Variants in FAT4 observed in about 807,000 individuals in gnomAD.
FAT4 encodes the protein FAT atypical cadherin 4.
A neutral mutation model predicts 303.9 loss-of-function variants in FAT4; 84 were observed. The ratio of observed to expected loss-of-function variants is 0.28; its 90% CI spans 0.23 to 0.33. The LOEUF is 0.33. Ranked by LOEUF, FAT4 falls within the 10% of genes least tolerant of loss-of-function variation. FAT4 has a pLI of 1.00. For synonymous variants in FAT4, 2,307 were observed against 2,298.8 expected (o/e 1.00, Z -0.10); for missense variants, 6,005 against 6,146.8 (o/e 0.98, Z 0.77).
intron 2 of FAT4, among the ~76,000 whole-genome samples, chr4:125,396,623 T>C (rs773242359): frequency 5.9e-5 from 9 of 152,014 alleles, no homozygotes; most frequent in Non-Finnish European, 1.0e-4. Flanking sequence ...AAATCATACA[T>C]GCACACGCAT....
intron 8 of FAT4, among the ~76,000 whole-genome samples, chr4:125,445,319 C>A (rs139323057): frequency 2.6e-5 from 4 of 152,238 alleles, no homozygotes; most frequent in African/African-American, 7.2e-5. Context: ...AATGAACATA[C>A]TACTGGCTGC....
At position 125,353,866 on chromosome 4, in the gene FAT4, C is replaced by A. The variant is rs1161965172; in HGVS notation, c.5175+32280C>A. Among the ~76,000 whole-genome samples the A allele has an allele frequency of 2.0e-5, 3 of 151,544 alleles. No individual in the cohort carries two copies. The East Asian group carries it at 5.8e-4, about 29-fold the overall frequency. Reference sequence around the variant, plus strand: ...TTGTGAAGTTTGAGAATTTGCAAAGCCATAATGATAGAATCAACCCAAAGG... The same window carrying A: ...TTGTGAAGTTTGAGAATTTGCAAAGACATAATGATAGAATCAACCCAAAGG... On this transcript the variant is annotated intron_variant, in intron 2 of 17. Transcript: ENST00000394329.
At position 125,481,633 on chromosome 4, in the gene FAT4, G is replaced by A. The variant is rs769117964; in HGVS notation, c.12717G>A (p.Met4239Ile). The A allele has an allele frequency of 6.2e-7, 1 of 1,614,092 alleles. No homozygotes were observed. The highest frequency in any genetic ancestry group is 1.1e-5 in the South Asian group (1 of 91,090). The change falls in exon 16 of 18, where the codon ATG becomes ATA. Residue 4239 changes from methionine to isoleucine, a missense_variant. Coordinates refer to ENST00000394329, the MANE Select transcript of FAT4 (RefSeq NM_001291303.3). ...YLLRQSLRGA[M>I]LEPFGVNSLE... ...TAAGGCAAAGCTTACGAGGTGCCAT[G>A]TTGGAGCCTTTTGGTGTGAACAGTC... is the stretch of plus-strand genomic sequence containing the variant.
chr4:125,324,410 T>C (rs749272154), intron 2 of FAT4, among the ~76,000 whole-genome samples: 1 of 152,164 alleles, frequency 6.6e-6, no homozygotes, highest in Non-Finnish European at 1.5e-5. Flanking sequence ...AGGTGCTCCA[T>C]ACATGTTTGC....
intron 2 of FAT4, among the ~76,000 whole-genome samples, chr4:125,347,651 CTG>C (rs1274517607): frequency 6.6e-6 from 1 of 151,536 alleles, no homozygotes; most frequent in Non-Finnish European, 1.5e-5. Context: ...AGTGTGCTCA[CTG>C]TGTTATATTT....
intron 2 of FAT4, among the ~76,000 whole-genome samples, chr4:125,361,990 C>T (rs191174440): frequency 6.6e-6 from 1 of 152,126 alleles, no homozygotes; most frequent in Admixed American, 6.6e-5. Context: ...CTATTATTTT[C>T]CCTACTAACC....
chr4:125,339,926 T>C (rs940474663), intron 2 of FAT4, among the ~76,000 whole-genome samples: 1 of 152,162 alleles, frequency 6.6e-6, no homozygotes, highest in Non-Finnish European at 1.5e-5. Context: ...AATTGTATAA[T>C]TGTATAATTG....
At position 125,491,836 on chromosome 4, in the gene FAT4, A is replaced by G; in HGVS notation, c.*68A>G. On this transcript the variant is annotated 3_prime_UTR_variant, in exon 18 of 18. Transcript: ENST00000394329. The stretch of plus-strand genomic sequence containing the variant: ...TACTCAAACCATTGTAAAGTTGCTG[A>G]CTAGGTTGGGTCACATTTGAAAAAC... The G allele has an allele frequency of 6.8e-7, 1 of 1,464,044 alleles. No individual in the cohort carries two copies. The highest frequency in any genetic ancestry group is 1.4e-5 in the South Asian group (1 of 69,042). 90.7% of individuals were successfully genotyped at this position (1,464,044 alleles called of 1,614,324 possible).
Position 125,434,423 on chromosome 4 carries a change from A to C in FAT4, c.7197A>C (p.Ile2399=). 6.2e-7 allele frequency: 1 copy of C among 1,613,814 alleles called. No homozygotes were observed. The highest frequency in any genetic ancestry group is 8.5e-7 in the Non-Finnish European group (1 of 1,179,784). ...SDADASKNAV[I]SYRIIGGNSQ... ...CTGATGCTTCAAAGAATGCAGTTAT[A>C]AGGTCAGTACATTTTCCTTTGTAAA... is the stretch of plus-strand genomic sequence containing the variant. Residue 2399 remains isoleucine (I), a splice_region_variant and synonymous_variant, in exon 8 of 18, where the codon ATA becomes ATC. Coordinates refer to ENST00000394329, the MANE Select transcript of FAT4 (RefSeq NM_001291303.3).
chr4:125,448,925 G>T lies in FAT4; in HGVS notation c.7915G>T (p.Val2639Leu), dbSNP rs1233313643. 3.1e-6 allele frequency: 5 copies of T among 1,613,042 alleles called. No individual in the cohort carries two copies. Among genetic ancestry groups the T allele is most frequent in the African/African-American group, 2.7e-5 (2 of 74,890 alleles). Residue 2639 changes from valine to leucine, a missense_variant, in exon 10 of 18, where the codon GTA becomes TTA. By Grantham distance (32) the Val-to-Leu change is conservative. Coordinates refer to ENST00000394329, the MANE Select transcript of FAT4 (RefSeq NM_001291303.3). ...TTTTGAAAAGATACAAAAATATGTTGTATGGATAGAGGCCAGAGACGGTGG... is the reference window on the plus strand; with the variant it reads ...TTTTGAAAAGATACAAAAATATGTTTTATGGATAGAGGCCAGAGACGGTGG... ...LDFEKIQKYV[V>L]WIEARDGGFP...
At chr4:125,333,822 A>T (rs1731474160) in intron 2 of FAT4, among the ~76,000 whole-genome samples, 1 of 152,174 alleles carries the variant, frequency 6.6e-6, no homozygotes, top group East Asian at 1.9e-4. Context: ...TAAAAATGTC[A>T]TATATTTTCA....
At chr4:125,396,220 A>T (rs558194941) in intron 2 of FAT4, among the ~76,000 whole-genome samples, 9 of 152,092 alleles carry the variant, frequency 5.9e-5, no homozygotes, top group Admixed American at 1.3e-4. Context: ...AATGGGAGAT[A>T]AAGTTCTTAG....
rs202092250 is a variant in FAT4 at position 125,416,434 on chromosome 4, G to C, written c.6844-14G>C. On this transcript the variant is annotated splice_polypyrimidine_tract_variant and intron_variant, in intron 6 of 17. Transcript: ENST00000394329. ...GTTTGTTTTACTCACATCTTGGTATGTACTGTTCTACAGGTGGTGGCAAGA... is the reference window on the plus strand; with the variant it reads ...GTTTGTTTTACTCACATCTTGGTATCTACTGTTCTACAGGTGGTGGCAAGA... The C allele has an allele frequency of 6.2e-7, 1 of 1,610,092 alleles. No homozygotes were observed. The highest frequency in any genetic ancestry group is 1.3e-5 in the African/African-American group (1 of 74,726).
intron 7 of FAT4, among the ~76,000 whole-genome samples, chr4:125,418,875 C>A (rs1293426549): frequency 7.9e-6 from 1 of 126,904 alleles, no homozygotes; most frequent in Non-Finnish European, 1.6e-5. Context: ...CAAGAGTTTG[C>A]CTTACCATTT....
At chr4:125,418,273 T>G (rs202141825) in intron 7 of FAT4, among the ~76,000 whole-genome samples, 2 of 152,114 alleles carry the variant, frequency 1.3e-5, no homozygotes, top group Non-Finnish European at 2.9e-5. Context: ...TCCTTTGCAT[T>G]TTTTTTGAAC....
intron 12 of FAT4, among the ~76,000 whole-genome samples, chr4:125,475,321 C>T (rs1160611767): frequency 6.6e-6 from 1 of 152,086 alleles, no homozygotes; most frequent in Non-Finnish European, 1.5e-5. Context: ...CAGCCATCCT[C>T]ACTTGCTGGT....
At chr4:125,359,682 T>A (rs1732576876) in intron 2 of FAT4, among the ~76,000 whole-genome samples, 1 of 152,148 alleles carries the variant, frequency 6.6e-6, no homozygotes, top group South Asian at 2.1e-4. Context: ...AAGAGAAAAC[T>A]GAATTAGTGG....
chr4:125,442,219 C>T (rs1725683831), intron 8 of FAT4, among the ~76,000 whole-genome samples: 1 of 152,098 alleles, frequency 6.6e-6, no homozygotes, highest in South Asian at 2.1e-4. Context: ...TCTGAGGAAG[C>T]TTTATTTTAA....
chr4:125,452,884 AT>A, intron 10 of FAT4, 74 bp downstream of exon 10: 1 of 1,477,950 alleles, frequency 6.8e-7, no homozygotes, highest in Non-Finnish European at 9.1e-7. Flanking sequence ...TAATTTTATC[AT>A]TTTCCAATGA....
Sources: gnomAD v4.1 joint callset for allele counts (sites outside exome capture counted in the v4.1 genomes callset) on GRCh38, gnomAD v4.1.1 for gene constraint, MANE v1.5 for transcripts, NCBI Gene and HGNC (gene_info 2026-07-23, HGNC 2026-07-21) for gene names.